Variants in KCNQ4 observed in about 807,000 individuals in gnomAD.
The protein encoded by KCNQ4 is potassium voltage-gated channel subfamily KQT member 4.
In KCNQ4, 31 loss-of-function variants were observed where a neutral mutation model predicts 72.6. That is an observed-to-expected ratio of 0.43 (90% CI 0.32 to 0.58). KCNQ4 has a LOEUF of 0.58. KCNQ4 is among the 20% of genes least tolerant of loss of function. The pLI, the probability that KCNQ4 is intolerant of heterozygous loss-of-function variation, is 0.08. For synonymous variants in KCNQ4, 405 were observed against 403.7 expected (o/e 1.00, Z -0.04); for missense variants, 869 against 962.6 (o/e 0.90, Z 1.29).
chr1:40,820,437 C>G (rs79552281), intron 7 of KCNQ4, among the ~76,000 whole-genome samples, 177 bp downstream of exon 7: 2 of 152,246 alleles, frequency 1.3e-5, no homozygotes, highest in African/African-American at 2.4e-5. Context: ...AGGATGCTCA[C>G]TGACAGTGCC....
chr1:40,810,623 G>T (rs910281897), intron 1 of KCNQ4, among the ~76,000 whole-genome samples: 1 of 152,134 alleles, frequency 6.6e-6, no homozygotes, highest in Non-Finnish European at 1.5e-5. Flanking sequence ...TCCCTCCAGG[G>T]ACATGTTGGA....
intron 1 of KCNQ4, among the ~76,000 whole-genome samples, chr1:40,786,899 G>T (rs1378588666): frequency 7.9e-5 from 12 of 152,090 alleles, no homozygotes; most frequent in Admixed American, 7.9e-4. Context: ...CACACTGCAG[G>T]GTCTTGCCAG....
At chr1:40,802,867 C>T (rs1014992343) in intron 1 of KCNQ4, among the ~76,000 whole-genome samples, 1 of 152,194 alleles carries the variant, frequency 6.6e-6, no homozygotes, top group Non-Finnish European at 1.5e-5. Context: ...GAAACTGAGT[C>T]CTGAGAGGGA....
In KCNQ4 at chr1:40,837,783, G is replaced by A. The variant is rs1426047424; in HGVS notation, c.1864G>A (p.Val622Met). 1.2e-6 allele frequency: 2 copies of A among 1,609,182 alleles called. No homozygotes were observed. Among genetic ancestry groups the A allele is most frequent in the Non-Finnish European group, 1.7e-6 (2 of 1,178,142 alleles). The change falls in exon 13 of 14, where the codon GTG becomes ATG. Residue 622 changes from valine (V) to methionine (M), a missense_variant. Val to Met is a conservative substitution (Grantham distance 21, BLOSUM62 1). Coordinates refer to ENST00000347132, the MANE Select transcript of KCNQ4 (RefSeq NM_004700.4). ...CAGCATGATGGGACGCGTGGTCAAG[G>A]TGGAGAAGCAGGTGAGTGTAGGATG... ...EISMMGRVVKVEKQVQSIEHK... is the reference protein window; with the variant it reads ...EISMMGRVVKMEKQVQSIEHK...
chr1:40,807,953 AC>A (rs953954238), intron 1 of KCNQ4, among the ~76,000 whole-genome samples: 8 of 132,478 alleles, frequency 6.0e-5, no homozygotes, highest in Non-Finnish European at 1.2e-4. Context: ...CCTTGTCTCT[AC>A]TAAAAATCAA....
At position 40,822,318 on chromosome 1, in the gene KCNQ4, C is replaced by T. The variant is rs760552579; in HGVS notation, c.1046C>T (p.Ala349Val). The change falls in exon 8 of 14, where the codon GCC (alanine) becomes GTC (valine). Residue 349 changes from alanine (A) to valine (V), a missense_variant. Around this residue, in one of 5 missense-constraint regions of KCNQ4, gnomAD observed 480 missense variants for 501.9 expected, o/e 0.96. Coordinates refer to ENST00000347132, the MANE Select transcript of KCNQ4 (RefSeq NM_004700.4). The stretch of plus-strand genomic sequence containing the variant: ...CCACGTCCCCCATACCACCAGGCTG[C>T]CTGGCGCCTGTACTCCACCGATATG... ...RMPAANLIQA[A>V]WRLYSTDMSR... 12 of 1,607,150 alleles carry T rather than the reference C, an allele frequency of 7.5e-6. 1 individual carries two copies. In the South Asian group the frequency reaches 1.3e-4, roughly 18 times the overall value.
intron 1 of KCNQ4, among the ~76,000 whole-genome samples, chr1:40,804,627 G>A (rs1431411146): frequency 6.6e-6 from 1 of 152,008 alleles, no homozygotes; most frequent in African/African-American, 2.4e-5. Context: ...ACGAGCCCGG[G>A]CAACATGGGG....
chr1:40,822,529 G>A (rs916103986), intron 8 of KCNQ4, 127 bp downstream of exon 8: 14 of 714,760 alleles, frequency 2.0e-5, no homozygotes, highest in Non-Finnish European at 3.2e-5. Flanking sequence ...CCCTGGGCTG[G>A]CTCTGCAGAT....
chr1:40,809,379 A>G (rs1647858037), intron 1 of KCNQ4, among the ~76,000 whole-genome samples: 1 of 152,008 alleles, frequency 6.6e-6, no homozygotes, highest in South Asian at 2.1e-4. Flanking sequence ...CTTCATACCC[A>G]TGGAGTGTTT....
At chr1:40,836,027 T>A (rs1325698106) in intron 12 of KCNQ4, among the ~76,000 whole-genome samples, 1 of 151,528 alleles carries the variant, frequency 6.6e-6, no homozygotes, top group Non-Finnish European at 1.5e-5. Flanking sequence ...CATTGGAGGG[T>A]TTTGTGCAAA....
At chr1:40,810,307 G>T (rs1483753435) in intron 1 of KCNQ4, among the ~76,000 whole-genome samples, 1 of 152,110 alleles carries the variant, frequency 6.6e-6, no homozygotes. Context: ...CCTCCTCCAA[G>T]AAGTCTTCAC....
Position 40,820,313 on chromosome 1 carries a change from G to T in KCNQ4, c.1041+53G>T, listed in dbSNP as rs1030159766. ...GGAGCAGGGCCGTGTGACTGCACTG[G>T]TGTGTCAACCCTGTGTGCTGACCCA... On this transcript the variant is annotated intron_variant, in intron 7 of 13. Coordinates refer to ENST00000347132, the MANE Select transcript of KCNQ4 (RefSeq NM_004700.4). 6 of 1,426,794 alleles carry T rather than the reference G, an allele frequency of 4.2e-6. No homozygotes were observed. The African/African-American group carries it at 8.5e-5, about 20-fold the overall frequency. 88.4% of individuals were successfully genotyped at this position (1,426,794 alleles called of 1,614,324 possible). A position where few individuals can be genotyped will look rare whatever the true frequency, so the allele number is the denominator to read the frequency against.
At chr1:40,818,435 C>A in intron 3 of KCNQ4, 70 bp from the exon 4 acceptor site, 1 of 1,588,244 alleles carries the variant, frequency 6.3e-7, no homozygotes, top group Non-Finnish European at 8.5e-7. Context: ...GCCACATCCC[C>A]AGAAGTCCCC....
At position 40,839,886 on chromosome 1, in the gene KCNQ4, T is replaced by G. The variant is rs925532790; in HGVS notation, c.*1363T>G. On this transcript the variant is annotated 3_prime_UTR_variant, in exon 14 of 14. Transcript: ENST00000347132. Reference sequence around the variant, plus strand: ...GCGCATCCGGCTTTCACATGCACTGTCTCCCCTCCCTCCACACCCCACTTC... The same window carrying G: ...GCGCATCCGGCTTTCACATGCACTGGCTCCCCTCCCTCCACACCCCACTTC... The G allele has an allele frequency of 5.9e-5, 9 of 152,306 alleles. No homozygotes were observed. Among genetic ancestry groups the G allele is most frequent in the African/African-American group, 1.7e-4 (7 of 41,530 alleles). 9.4% of individuals were successfully genotyped at this position (152,306 alleles called of 1,614,324 possible). A position where few individuals can be genotyped will look rare whatever the true frequency, so the allele number is the denominator to read the frequency against.
At chr1:40,790,887 T>A (rs554661104) in intron 1 of KCNQ4, among the ~76,000 whole-genome samples, 1 of 151,936 alleles carries the variant, frequency 6.6e-6, no homozygotes, top group Admixed American at 6.5e-5. Flanking sequence ...AGAGGTCTGG[T>A]CTGTGTGTAG....
rs767633488 is a variant in KCNQ4 at position 40,838,349 on chromosome 1, C to T, written c.1914C>T (p.Gly638=). 6.2e-7 allele frequency: 1 copy of T among 1,613,922 alleles called. No homozygotes were observed. Among genetic ancestry groups the T allele is most frequent in the East Asian group, 2.2e-5 (1 of 44,872 alleles). The change falls in exon 14 of 14, where the codon GGC becomes GGT. Residue 638 remains glycine, a synonymous_variant. Coordinates refer to ENST00000347132, the MANE Select transcript of KCNQ4 (RefSeq NM_004700.4). ...SIEHKLDLLL[G]FYSRCLRSGT... Reference sequence around the variant, plus strand: ...AGCACAAGCTGGACCTGCTGTTGGGCTTCTATTCGCGCTGCCTGCGCTCTG... The same window carrying T: ...AGCACAAGCTGGACCTGCTGTTGGGTTTCTATTCGCGCTGCCTGCGCTCTG...
chr1:40,831,063 C>G (rs1420435235), intron 9 of KCNQ4, 21 bp from the exon 10 acceptor site: 1 of 1,559,782 alleles, frequency 6.4e-7, no homozygotes, highest in Admixed American at 1.9e-5. Context: ...TGGCTCTCTC[C>G]CAACCTGCCT....
In KCNQ4 at chr1:40,784,942, G is replaced by T. The variant is rs1647187709; in HGVS notation, c.314+535G>T. 6.6e-6 allele frequency among the ~76,000 whole-genome samples: 1 copy of T among 152,208 alleles called. No homozygotes were observed. Among genetic ancestry groups the T allele is most frequent in the South Asian group, 2.1e-4 (1 of 4,832 alleles). On this transcript the variant is annotated intron_variant, in intron 1 of 13. Coordinates refer to ENST00000347132, the MANE Select transcript of KCNQ4 (RefSeq NM_004700.4). This position sits in a 1 kb window ranked among gnomAD's most constrained non-coding sequence, Gnocchi z 4.1. ...TGACTGTGGGTGTGTGGGGGTCCCT[G>T]TGGGCCCCCTGGGCCCTGACACTCG...
intron 1 of KCNQ4, among the ~76,000 whole-genome samples, chr1:40,793,004 C>CTTTTTT (rs10549805): frequency 6.6e-4 from 72 of 109,046 alleles, no homozygotes; most frequent in Middle Eastern, 5.4e-3. Flanking sequence ...TTCTTTCTTT[C>CTTTTTT]TTTTTTTTTT....
Sources: allele counts gnomAD v4.1 joint callset (sites outside exome capture counted in the v4.1 genomes callset), GRCh38; gene constraint gnomAD v4.1.1; regional missense constraint gnomAD v4.1.1; non-coding constraint Gnocchi (gnomAD v3.1); transcripts MANE v1.5; gene names NCBI Gene and HGNC (gene_info 2026-07-23, HGNC 2026-07-21).